The following GAREM2 variants were observed in gnomAD, a reference collection of about 807,000 sequenced individuals.
GAREM2 encodes the protein GRB2 associated regulator of MAPK1 subtype 2, also known as GRB2-associated and regulator of MAPK protein 2.
In GAREM2, 30 loss-of-function variants were observed where a neutral mutation model predicts 55.6. The observed-to-expected ratio is 0.54, with a 90% CI of 0.40 to 0.73. GAREM2 has a LOEUF of 0.73. GAREM2 is among the 30% of genes least tolerant of loss of function. GAREM2 has a pLI of 0.00. For missense variants in GAREM2, 1,075 were observed against 1,257.7 expected, an observed-to-expected ratio of 0.85 and a Z score of 2.20; for synonymous variants, 550 against 569.1, an observed-to-expected ratio of 0.97 and a Z score of 0.48.
At chr2:26,190,989 C>T (rs1406450451), downstream of GAREM2, 3 of 564,228 alleles carry the variant, frequency 5.3e-6, no homozygotes, top group Non-Finnish European at 9.5e-6. Context: ...TCAGATGGCT[C>T]TTGGCTGCCA....
rs1386184539 is a variant in GAREM2 at position 26,176,495 on chromosome 2, C to A, written c.253+11C>A. ...CCCTGCAGTACCCAGGTGTGTCCAG[C>A]CAGGACAGATGTCATAAAGCCTGTA... On this transcript the variant is annotated intron_variant, in intron 2 of 5. Coordinates refer to ENST00000401533, the MANE Select transcript of GAREM2 (RefSeq NM_001168241.2). 4 of 1,528,838 alleles carry A rather than the reference C, an allele frequency of 2.6e-6. No homozygotes were observed. The South Asian group carries it at 4.9e-5, about 19-fold the overall frequency. 94.7% of individuals were successfully genotyped at this position (1,528,838 alleles called of 1,614,324 possible).
rs1169905496 is a variant in GAREM2 at position 26,188,000 on chromosome 2, A to G, written c.2368A>G (p.Thr790Ala). ...GPPASPRDGA[T>A]GFGVRDASSW... Reference sequence around the variant, plus strand: ...TCCTGCCAGTCCCCGGGATGGAGCCACAGGCTTTGGAGTCCGAGATGCCTC... The same window carrying G: ...TCCTGCCAGTCCCCGGGATGGAGCCGCAGGCTTTGGAGTCCGAGATGCCTC... Residue 790 changes from threonine (T) to alanine (A), a missense_variant, in exon 6 of 6, where the codon ACA becomes GCA. Coordinates refer to ENST00000401533, the MANE Select transcript of GAREM2 (RefSeq NM_001168241.2). 6.8e-7 allele frequency: 1 copy of G among 1,477,030 alleles called. No homozygotes were observed. 91.5% of individuals were successfully genotyped at this position (1,477,030 alleles called of 1,614,324 possible). A position where few individuals can be genotyped will look rare whatever the true frequency, so the allele number is the denominator to read the frequency against.
intron 1 of GAREM2, among the ~76,000 whole-genome samples, chr2:26,175,061 C>T (rs1008504447): frequency 2.0e-5 from 3 of 151,616 alleles, no homozygotes; most frequent in African/African-American, 7.3e-5. Context: ...CGTCTTGAAC[C>T]GCCCGCCACC....
chr2:26,184,966 C>G lies in GAREM2; in HGVS notation c.1118C>G (p.Ala373Gly). Residue 373 changes from alanine to glycine, a missense_variant, in exon 4 of 6, where the codon GCC becomes GGC. This residue lies in a region of GAREM2 where 515 missense variants were observed against 501.5 expected (regional missense o/e 1.03). Coordinates refer to ENST00000401533, the MANE Select transcript of GAREM2 (RefSeq NM_001168241.2). ...EAPAELAEDCASPRRARLCLP... is the reference protein window; with the variant it reads ...EAPAELAEDCGSPRRARLCLP... The stretch of plus-strand genomic sequence containing the variant: ...CCAGCGGAGCTCGCCGAAGACTGCG[C>G]CAGCCCGCGCCGCGCGCGCCTCTGC... 1 of 1,207,740 alleles carries G rather than the reference C, an allele frequency of 8.3e-7. No homozygotes were observed. The highest frequency in any genetic ancestry group is 3.8e-5 in the South Asian group (1 of 26,106). The allele number at this position is 1,207,740 out of a possible 1,614,324, so 74.8% of individuals were successfully genotyped here. A position where few individuals can be genotyped will look rare whatever the true frequency, so the allele number is the denominator to read the frequency against.
In GAREM2 at chr2:26,183,084, C is replaced by A; in HGVS notation, c.371C>A (p.Thr124Asn). 6.4e-7 allele frequency: 1 copy of A among 1,551,706 alleles called. No homozygotes were observed. The highest frequency in any genetic ancestry group is 8.7e-7 in the Non-Finnish European group (1 of 1,146,968). ...PDRIFVMEAI[T>N]FSVKVVSGEF... The stretch of plus-strand genomic sequence containing the variant: ...CGCATCTTCGTGATGGAAGCCATCA[C>A]CTTCAGCGTCAAGGTCAGTCACTCC... The change falls in exon 3 of 6, where the codon ACC (threonine) becomes AAC (asparagine). Residue 124 changes from threonine to asparagine, a missense_variant. By Grantham distance (65) the Thr-to-Asn change is moderately conservative. Coordinates refer to ENST00000401533, the MANE Select transcript of GAREM2 (RefSeq NM_001168241.2).
chr2:26,178,453 G>A (rs988386037), intron 2 of GAREM2, among the ~76,000 whole-genome samples: 2 of 151,942 alleles, frequency 1.3e-5, no homozygotes, highest in African/African-American at 2.4e-5. Flanking sequence ...GCGTGGTGGC[G>A]CAGGCCTGTA....
Position 26,182,949 on chromosome 2 carries a change from T to C in GAREM2, c.254-18T>C, listed in dbSNP as rs912374721. 6.4e-7 allele frequency: 1 copy of C among 1,550,754 alleles called. No homozygotes were observed. Among genetic ancestry groups the C allele is most frequent in the Non-Finnish European group, 8.7e-7 (1 of 1,146,246 alleles). On this transcript the variant is annotated intron_variant, in intron 2 of 5. Coordinates refer to ENST00000401533, the MANE Select transcript of GAREM2 (RefSeq NM_001168241.2). The stretch of plus-strand genomic sequence containing the variant: ...GCAGGCAGGCCCACTCCAGCAACTT[T>C]TGTCACCCACTATGCAGGGAAGTTC...
In GAREM2 at chr2:26,187,280, C is replaced by A. The variant is rs1218264929; in HGVS notation, c.1648C>A (p.Leu550Ile). 3 of 1,476,750 alleles carry A rather than the reference C, an allele frequency of 2.0e-6. No homozygotes were observed. The highest frequency in any genetic ancestry group is 2.7e-6 in the Non-Finnish European group (3 of 1,110,138). 91.5% of individuals were successfully genotyped at this position (1,476,750 alleles called of 1,614,324 possible). A position where few individuals can be genotyped will look rare whatever the true frequency, so the allele number is the denominator to read the frequency against. ...SGSPSPDTYS[L>I]YCYPCTWGDC... ...CTCCCCATCGCCGGACACCTACTCC[C>A]TCTATTGCTACCCATGCACCTGGGG... Residue 550 changes from leucine to isoleucine, a missense_variant, in exon 6 of 6, where the codon CTC becomes ATC. By Grantham distance (5) the Leu-to-Ile change is conservative. Coordinates refer to ENST00000401533, the MANE Select transcript of GAREM2 (RefSeq NM_001168241.2).
At chr2:26,194,477 A>G, downstream of GAREM2, 1 of 835,426 alleles carries the variant, frequency 1.2e-6, no homozygotes, top group South Asian at 1.4e-5. Flanking sequence ...TTGGTGTATC[A>G]GAAGGAAGCT....
At chr2:26,195,696 C>T in the GAREM2 span, among the ~76,000 whole-genome samples, 1 of 152,174 alleles carries the variant, frequency 6.6e-6, no homozygotes, top group Non-Finnish European at 1.5e-5. Context: ...CTAGGTTTAA[C>T]TAACACTCCT....
chr2:26,195,184 C>G, the GAREM2 span: 2,162 of 1,612,330 alleles, frequency 1.3e-3, no homozygotes, highest in Non-Finnish European at 1.5e-3. Context: ...GTGATAATCT[C>G]CAGCAGCTGC....
chr2:26,195,778 C>T, the GAREM2 span, among the ~76,000 whole-genome samples: 1 of 152,216 alleles, frequency 6.6e-6, no homozygotes, highest in African/African-American at 2.4e-5. Flanking sequence ...CCAACAAGCA[C>T]TGTCATCACC....
In GAREM2 at chr2:26,187,964, C is replaced by T; in HGVS notation, c.2332C>T (p.Leu778=). The T allele has an allele frequency of 6.9e-7, 1 of 1,455,500 alleles. No homozygotes were observed. Among genetic ancestry groups the T allele is most frequent in the Non-Finnish European group, 9.1e-7 (1 of 1,099,300 alleles). The allele number at this position is 1,455,500 out of a possible 1,614,324, so 90.2% of individuals were successfully genotyped here. Residue 778 remains leucine, a synonymous_variant, in exon 6 of 6, where the codon CTG becomes TTG. Coordinates refer to ENST00000401533, the MANE Select transcript of GAREM2 (RefSeq NM_001168241.2). ...AGCACTTTTTCTAACCCAAGGGCGC[C>T]TGGAAGGGCCTCCTGCCAGTCCCCG... ...GGALFLTQGR[L]EGPPASPRDG...
chr2:26,176,351 C>T lies in GAREM2; in HGVS notation c.120C>T (p.Tyr40=), dbSNP rs776876537. Residue 40 remains tyrosine (Y), a synonymous_variant, in exon 2 of 6, where the codon TAC becomes TAT. Coordinates refer to ENST00000401533, the MANE Select transcript of GAREM2 (RefSeq NM_001168241.2). ...PTLACLGPGE[Y]AEGVSERDIL... is the part of the protein sequence containing the mutation. ...CCTCCTCCCCCTTCCCAGGGGAGTA[C>T]GCCGAGGGCGTCAGTGAGCGAGACA... 44 of 1,542,928 alleles carry T rather than the reference C, an allele frequency of 2.9e-5. No homozygotes were observed. The highest frequency in any genetic ancestry group is 4.1e-5 in the African/African-American group (3 of 72,854).
chr2:26,185,222 G>T lies in GAREM2; in HGVS notation c.1374G>T (p.Pro458=), dbSNP rs953572379. 4 of 1,521,106 alleles carry T rather than the reference G, an allele frequency of 2.6e-6. No individual in the cohort carries two copies. Among genetic ancestry groups the T allele is most frequent in the Non-Finnish European group, 3.5e-6 (4 of 1,141,182 alleles). The allele number at this position is 1,521,106 out of a possible 1,614,324, so 94.2% of individuals were successfully genotyped here. A position where few individuals can be genotyped will look rare whatever the true frequency, so the allele number is the denominator to read the frequency against. Reference sequence around the variant, plus strand: ...TCATCTCCTTCGGGGCCGCGGGACCGCCGCGTCGGGAGCCGGAAGCGCCGC... The same window carrying T: ...TCATCTCCTTCGGGGCCGCGGGACCTCCGCGTCGGGAGCCGGAAGCGCCGC... ...LDLISFGAAG[P]PRREPEAPPP... is the part of the protein sequence containing the mutation. The change falls in exon 4 of 6, where the codon CCG becomes CCT. Residue 458 remains proline, a synonymous_variant. Coordinates refer to ENST00000401533, the MANE Select transcript of GAREM2 (RefSeq NM_001168241.2).
chr2:26,194,522 A>C, downstream of GAREM2: 1 of 1,082,666 alleles, frequency 9.2e-7, no homozygotes, highest in Non-Finnish European at 1.4e-6. Flanking sequence ...TTTTAGAGTG[A>C]CTGAAGGAGT....
At chr2:26,176,569 G>C (rs1191473829) in intron 2 of GAREM2, 85 bp downstream of exon 2, 1 of 1,243,638 alleles carries the variant, frequency 8.0e-7, no homozygotes, top group Non-Finnish European at 1.1e-6. Flanking sequence ...GGGAACGCTG[G>C]GACTAGCGAG....
downstream of GAREM2, chr2:26,191,136 G>C: frequency 9.4e-7 from 1 of 1,063,462 alleles, no homozygotes; most frequent in South Asian, 1.3e-5. Flanking sequence ...AGCAAACCCA[G>C]TGCCGGAGTT....
downstream of GAREM2, chr2:26,193,823 C>T (rs761728649): frequency 2.1e-6 from 3 of 1,426,232 alleles, no homozygotes; most frequent in Non-Finnish European, 2.0e-6. Flanking sequence ...CCCAAATCCC[C>T]CCAAAGGGCT....
Sources: allele counts gnomAD v4.1 joint callset (sites outside exome capture counted in the v4.1 genomes callset), GRCh38; gene constraint gnomAD v4.1.1; regional missense constraint gnomAD v4.1.1; transcripts MANE v1.5; gene names NCBI Gene and HGNC (gene_info 2026-07-23, HGNC 2026-07-21).